Variants in NCLN observed in about 807,000 individuals in gnomAD.
NCLN encodes the protein nicalin, also known as BOS complex subunit NCLN.
A neutral mutation model predicts 69.5 loss-of-function variants in NCLN; 34 were observed. The ratio of observed to expected loss-of-function variants is 0.49; its 90% confidence interval spans 0.37 to 0.65. The LOEUF is 0.65. NCLN is among the 30% of genes least tolerant of loss of function. The pLI is 0.00. For synonymous variants in NCLN, 393 were observed against 358.3 expected (o/e 1.10, Z -1.09); for missense variants, 710 against 804.8 (o/e 0.88, Z 1.42).
intron 3 of NCLN, 144 bp downstream of exon 3, chr19:3,193,572 C>A: frequency 9.7e-7 from 1 of 1,031,896 alleles, no homozygotes; most frequent in African/African-American, 1.6e-5. Context: ...GGTTCCTGGG[C>A]CCCGTGTGGA....
chr19:3,196,126 C>G, intron 3 of NCLN, 57 bp from the exon 4 acceptor site: 1 of 1,343,150 alleles, frequency 7.4e-7, no homozygotes, highest in Non-Finnish European at 1.0e-6. Flanking sequence ...GCTGGGGATG[C>G]CCCCTGGCTG....
rs1023059739 is a variant in NCLN at position 3,208,255 on chromosome 19, C to T, written c.*567C>T. The T allele has an allele frequency of 2.0e-5, 3 of 152,582 alleles. No homozygotes were observed. The highest frequency in any genetic ancestry group is 2.0e-4 in the Admixed American group (3 of 15,310). The allele number at this position is 152,582 out of a possible 1,614,324, so 9.5% of individuals were successfully genotyped here. A position where few individuals can be genotyped will look rare whatever the true frequency, so the allele number is the denominator to read the frequency against. On this transcript the variant is annotated 3_prime_UTR_variant, in exon 15 of 15. Transcript: ENST00000246117. ...TCCAGCCCTCCTGGAGCCTTTTGTT[C>T]CCCATGTGGTCTCAGTGACCCGTCC...
rs1159894661 is a variant in NCLN at position 3,192,643 on chromosome 19, C to T, written c.358C>T (p.Pro120Ser). Residue 120 changes from proline (P) to serine (S), a missense_variant, in exon 2 of 15, where the codon CCC becomes TCC. Pro to Ser is a moderately conservative substitution (Grantham distance 74). Coordinates refer to ENST00000246117, the MANE Select transcript of NCLN (RefSeq NM_020170.4). ...IILPRAMAAV[P>S]QDVVRQFMEI... ...CCTGCCCAGGGCCATGGCCGCCGTG[C>T]CCCAGGACGTCGTCCGGGTGAGCGT... 2 of 1,564,418 alleles carry T rather than the reference C, an allele frequency of 1.3e-6. No homozygotes were observed. The highest frequency in any genetic ancestry group is 2.3e-5 in the East Asian group (1 of 42,686).
rs1915955792 is a variant in NCLN, at chr19:3,196,391, G to T, written c.615+114G>T. On this transcript the variant is annotated intron_variant, in intron 4 of 14. Transcript: ENST00000246117. ...AGCCGCTGATGGGAAACTGGAGTCGGATCGCCCCCCTGCCTGGCTGAAAAC... is the reference window on the plus strand; with the variant it reads ...AGCCGCTGATGGGAAACTGGAGTCGTATCGCCCCCCTGCCTGGCTGAAAAC... 5.3e-6 allele frequency: 4 copies of T among 749,836 alleles called. No homozygotes were observed. In the South Asian group the frequency reaches 5.8e-5, roughly 11 times the overall value. 46.4% of individuals were successfully genotyped at this position (749,836 alleles called of 1,614,324 possible).
At chr19:3,194,936 G>A (rs1374201014) in intron 3 of NCLN, among the ~76,000 whole-genome samples, 2 of 151,956 alleles carry the variant, frequency 1.3e-5, no homozygotes, top group African/African-American at 2.4e-5. Flanking sequence ...CACTTACGGA[G>A]GCTGAGGCAG....
rs1436983072 is a variant in NCLN at position 3,203,822 on chromosome 19, G to A, written c.867G>A (p.Leu289=). The A allele has an allele frequency of 1.7e-5, 28 of 1,613,172 alleles. 1 individual carries two copies. Among genetic ancestry groups the A allele is most frequent in the Middle Eastern group, 1.7e-4 (1 of 6,058 alleles). The part of the protein sequence containing the change: ...KFNYQGTKRW[L]EDNLDHTDSS... ...ACTACCAGGGAACCAAGCGCTGGCT[G>A]GAAGACAACCTGGACCACACAGGTG... Residue 289 remains leucine (L), a synonymous_variant, in exon 7 of 15, where the codon CTG becomes CTA. Coordinates refer to ENST00000246117, the MANE Select transcript of NCLN (RefSeq NM_020170.4).
intron 9 of NCLN, 30 bp downstream of exon 9, chr19:3,204,781 C>T (rs762069610): frequency 8.5e-6 from 12 of 1,417,314 alleles, no homozygotes; most frequent in Middle Eastern, 4.8e-4. Flanking sequence ...CCCGGCCCCT[C>T]CTAGGGCTTT....
intron 2 of NCLN, 39 bp from the exon 3 acceptor site, chr19:3,193,245 C>T: frequency 6.4e-7 from 1 of 1,562,590 alleles, no homozygotes; most frequent in Non-Finnish European, 8.6e-7. Context: ...GCCACCCCCA[C>T]CAGGCCAGCA....
At chr19:3,195,465 G>A (rs553976332) in intron 3 of NCLN, among the ~76,000 whole-genome samples, 14 of 152,120 alleles carry the variant, frequency 9.2e-5, no homozygotes, top group African/African-American at 3.1e-4. Flanking sequence ...TAGCCAGGAG[G>A]GTCTCGATCT....
At position 3,201,627 on chromosome 19, in the gene NCLN, G is replaced by A. The variant is rs1406974470; in HGVS notation, c.800+1G>A. The A allele has an allele frequency of 4.0e-6, 6 of 1,512,624 alleles. No individual in the cohort carries two copies. The highest frequency in any genetic ancestry group is 2.7e-5 in the African/African-American group (2 of 72,792). The allele number at this position is 1,512,624 out of a possible 1,614,324, so 93.7% of individuals were successfully genotyped here. A position where few individuals can be genotyped will look rare whatever the true frequency, so the allele number is the denominator to read the frequency against. The stretch of plus-strand genomic sequence containing the variant: ...ACACCTACAAGCGCACGCACGCCGC[G>A]TGAGTGCCGGGGTGGGCAGGGGGAT... On this transcript the variant is annotated splice_donor_variant, in intron 6 of 14. Transcript: ENST00000246117. LOFTEE classifies it high-confidence loss of function.
intron 4 of NCLN, among the ~76,000 whole-genome samples, chr19:3,198,334 G>A (rs929983327): frequency 1.3e-5 from 2 of 151,866 alleles, no homozygotes; most frequent in Non-Finnish European, 2.9e-5. Flanking sequence ...ATGAAACCCC[G>A]TCTCTACTAA....
chr19:3,204,761 G>T lies in NCLN; in HGVS notation c.1208+10G>T. 1 of 1,476,404 alleles carries T rather than the reference G, an allele frequency of 6.8e-7. No homozygotes were observed. Among genetic ancestry groups the T allele is most frequent in the Non-Finnish European group, 9.0e-7 (1 of 1,113,706 alleles). The allele number at this position is 1,476,404 out of a possible 1,614,324, so 91.5% of individuals were successfully genotyped here. ...GCATCATGGACGTGCGGTGAGCGCG[G>T]CAGCACCTGCCCGGCCCCTCCTAGG... is the stretch of plus-strand genomic sequence containing the variant. On this transcript the variant is annotated intron_variant, in intron 9 of 14. Coordinates refer to ENST00000246117, the MANE Select transcript of NCLN (RefSeq NM_020170.4).
rs1915852408 is a variant in NCLN at position 3,192,499 on chromosome 19, G to T, written c.214G>T (p.Ala72Ser). The change falls in exon 2 of 15, where the codon GCG becomes TCG. Residue 72 changes from alanine (A) to serine (S), a missense_variant. Transcript: ENST00000246117. Reference sequence around the variant, plus strand: ...ACGGAATGCAGTGCTGAACACGGAGGCGCGCACGATGGCGGCGGAGGTGCT... The same window carrying T: ...ACGGAATGCAGTGCTGAACACGGAGTCGCGCACGATGGCGGCGGAGGTGCT... The part of the protein sequence containing the change: ...GTRNAVLNTE[A>S]RTMAAEVLSR... 1.9e-6 allele frequency: 3 copies of T among 1,607,094 alleles called. No homozygotes were observed. Among genetic ancestry groups the T allele is most frequent in the South Asian group, 1.1e-5 (1 of 90,378 alleles).
chr19:3,201,893 A>C (rs1916135116), intron 6 of NCLN, among the ~76,000 whole-genome samples: 1 of 151,998 alleles, frequency 6.6e-6, no homozygotes, highest in African/African-American at 2.4e-5. Flanking sequence ...ACGCCCGGTT[A>C]AGGGCCCTGG....
chr19:3,203,575 G>A (rs1193572502), intron 6 of NCLN, among the ~76,000 whole-genome samples, 181 bp from the exon 7 acceptor site: 1 of 152,178 alleles, frequency 6.6e-6, no homozygotes, highest in Non-Finnish European at 1.5e-5. Context: ...TCACCTCAGA[G>A]AACCATCCAG....
rs1916304083 is a variant in NCLN, at chr19:3,207,523, G to A, written c.1632+54G>A. On this transcript the variant is annotated intron_variant, in intron 14 of 14. Transcript: ENST00000246117. The stretch of plus-strand genomic sequence containing the variant: ...AGGGGCCGCCCGCCGGGAGGAGCTG[G>A]GCTGGGCGTCTCCAAGTGCATCCTG... 6 of 1,608,810 alleles carry A rather than the reference G, an allele frequency of 3.7e-6. No homozygotes were observed. In the African/African-American group the frequency reaches 6.7e-5, roughly 18 times the overall value.
intron 10 of NCLN, 51 bp downstream of exon 10, chr19:3,206,077 G>T (rs775978620): frequency 6.4e-7 from 1 of 1,559,544 alleles, no homozygotes; most frequent in Non-Finnish European, 8.8e-7. Flanking sequence ...CCCTGCCCCC[G>T]GCCCCGGCCC....
intron 5 of NCLN, among the ~76,000 whole-genome samples, chr19:3,199,249 C>T (rs1481194997): frequency 3.3e-5 from 5 of 152,232 alleles, no homozygotes; most frequent in East Asian, 1.9e-4. Context: ...TCATGGAGCA[C>T]GTAGCAGAGT....
Position 3,201,571 on chromosome 19 carries a change from C to G in NCLN, c.745C>G (p.Leu249Val). 6.4e-7 allele frequency: 1 copy of G among 1,564,716 alleles called. No individual in the cohort carries two copies. The highest frequency in any genetic ancestry group is 8.6e-7 in the Non-Finnish European group (1 of 1,162,234). The change falls in exon 6 of 15, where the codon CTG (leucine) becomes GTG (valine). Residue 249 changes from leucine (L) to valine (V), a missense_variant. Coordinates refer to ENST00000246117, the MANE Select transcript of NCLN (RefSeq NM_020170.4). The part of the protein sequence containing the change: ...DSNGSGVSVL[L>V]ELARLFSRLY... ...CAACGGGAGCGGCGTCTCTGTGCTG[C>G]TGGAGCTGGCACGCCTCTTCTCCCG...
Sources: gnomAD v4.1 joint callset for allele counts (sites outside exome capture counted in the v4.1 genomes callset) on GRCh38, gnomAD v4.1.1 for gene constraint, MANE v1.5 for transcripts, NCBI Gene and HGNC (gene_info 2026-07-23, HGNC 2026-07-21) for gene names.